Variants in RELCH observed in about 807,000 individuals in gnomAD.
RELCH encodes the protein RAB11-binding protein RELCH.
In RELCH, 41 loss-of-function variants were observed where a neutral mutation model predicts 150.3. The ratio of observed to expected loss-of-function variants is 0.27; its 90% CI spans 0.21 to 0.35. The LOEUF is 0.35. Among genes scored for constraint, RELCH ranks in the 10% least tolerant of loss-of-function variants. The pLI is 1.00. For missense variants in RELCH, 1,092 were observed against 1,467.8 expected (o/e 0.74, Z 4.18); for synonymous variants, 478 against 531.8 (o/e 0.90, Z 1.39).
intron 11 of RELCH, among the ~76,000 whole-genome samples, chr18:62,247,626 C>T (rs898259749): frequency 6.6e-6 from 1 of 151,806 alleles, no homozygotes; most frequent in Admixed American, 6.6e-5. Flanking sequence ...TCACTGCAAC[C>T]TCCACCTTCC....
At chr18:62,193,446 T>C (rs2038796470) in intron 1 of RELCH, among the ~76,000 whole-genome samples, 1 of 152,200 alleles carries the variant, frequency 6.6e-6, no homozygotes, top group Admixed American at 6.5e-5. Flanking sequence ...TGTGCCAGTT[T>C]TCAAGGGGAT....
intron 11 of RELCH, among the ~76,000 whole-genome samples, chr18:62,249,746 G>A (rs969844474): frequency 6.6e-6 from 1 of 150,508 alleles, no homozygotes; most frequent in Admixed American, 6.6e-5. Context: ...TCAAGTCCAC[G>A]CTTTTTTTTT....
In RELCH at chr18:62,258,654, A is replaced by G. The variant is rs1188484951; in HGVS notation, c.2180A>G (p.Asn727Ser). The change falls in exon 15 of 29, where the codon AAC (asparagine) becomes AGC (serine). Residue 727 changes from asparagine to serine, a missense_variant. Coordinates refer to ENST00000644646, the MANE Select transcript of RELCH (RefSeq NM_001346231.2). The stretch of plus-strand genomic sequence containing the variant: ...TCTCATCTTATACTTACACTACTGA[A>G]CAAGATTGAAAAACTTCTCAGGGTA... The part of the protein sequence containing the change: ...LQSHLILTLL[N>S]KIEKLLREGE... 1 of 1,587,430 alleles carries G rather than the reference A, an allele frequency of 6.3e-7. No individual in the cohort carries two copies. The highest frequency in any genetic ancestry group is 8.5e-7 in the Non-Finnish European group (1 of 1,172,400).
At chr18:62,271,026 A>G (rs1016808104) in intron 20 of RELCH, among the ~76,000 whole-genome samples, 1 of 152,152 alleles carries the variant, frequency 6.6e-6, no homozygotes, top group Non-Finnish European at 1.5e-5. Flanking sequence ...AGTCTTTGCT[A>G]TTGTGAATAG....
At chr18:62,214,889 AC>A (rs774949015) in intron 2 of RELCH, among the ~76,000 whole-genome samples, 2 of 151,736 alleles carry the variant, frequency 1.3e-5, no homozygotes, top group Admixed American at 6.6e-5. Context: ...AAACTACTCT[AC>A]CCCCCTAGAA....
Position 62,187,911 on chromosome 18 carries a change from A to C in RELCH, c.406A>C (p.Asn136His), listed in dbSNP as rs980598271. The C allele has an allele frequency of 4.4e-6, 7 of 1,596,372 alleles. No individual in the cohort carries two copies. In the African/African-American group the frequency reaches 9.4e-5, roughly 21 times the overall value. The change falls in exon 1 of 29, where the codon AAC becomes CAC. Residue 136 changes from asparagine (N) to histidine (H), a missense_variant. By Grantham distance (68) the Asn-to-His change is moderately conservative (BLOSUM62 1). Around this residue, in one of 4 missense-constraint regions of RELCH, gnomAD observed 190 missense variants for 276.2 expected, o/e 0.69. Transcript: ENST00000644646. ...RLRDYFSNPG[N>H]FERQSGTPPG... The stretch of plus-strand genomic sequence containing the variant: ...GCGCGACTACTTCTCCAATCCAGGC[A>C]ACTTCGAGAGGCAAAGTGGAACCCC...
chr18:62,198,519 A>G (rs2039199702), intron 1 of RELCH, among the ~76,000 whole-genome samples: 1 of 152,190 alleles, frequency 6.6e-6, no homozygotes. Context: ...TTGTGGGTGG[A>G]TAAGATTGCT....
At chr18:62,244,658 TG>T (rs1473173049) in intron 10 of RELCH, 105 bp from the exon 11 acceptor site, 1 of 688,296 alleles carries the variant, frequency 1.5e-6, no homozygotes, top group Non-Finnish European at 2.5e-6. Flanking sequence ...TTTTGTTTAC[TG>T]AGGTTTATTT....
At chr18:62,247,570 G>T (rs2042482976) in intron 11 of RELCH, among the ~76,000 whole-genome samples, 1 of 150,646 alleles carries the variant, frequency 6.6e-6, no homozygotes, top group African/African-American at 2.4e-5. Flanking sequence ...CTGAGACAGG[G>T]TCTCACTCTG....
intron 21 of RELCH, 77 bp downstream of exon 21, chr18:62,274,163 G>T: frequency 1.1e-6 from 1 of 872,084 alleles, no homozygotes; most frequent in Admixed American, 2.3e-5. Flanking sequence ...CATATTTTAA[G>T]TCTAAAAGAG....
chr18:62,221,959 G>T (rs2040902807), intron 5 of RELCH, among the ~76,000 whole-genome samples: 1 of 151,440 alleles, frequency 6.6e-6, no homozygotes, highest in African/African-American at 2.4e-5. Context: ...CTCTGAATAG[G>T]GGCCAATTTT....
chr18:62,199,532 G>A (rs559145710), intron 1 of RELCH, among the ~76,000 whole-genome samples: 30 of 152,230 alleles, frequency 2.0e-4, no homozygotes, highest in African/African-American at 2.6e-4. Flanking sequence ...TTGAAGTTAC[G>A]TTAAAGAATT....
At position 62,242,846 on chromosome 18, in the gene RELCH, G is replaced by C. The variant is rs544125624; in HGVS notation, c.1621-1918G>C. ...ATTATACTCTACATTTTAAGTGTGT[G>C]TGTGTGTGTTTGCAATTATAGCAGC... On this transcript the variant is annotated intron_variant, in intron 10 of 28. Coordinates refer to ENST00000644646, the MANE Select transcript of RELCH (RefSeq NM_001346231.2). Among the ~76,000 whole-genome samples, 10 of 152,186 alleles carry C rather than the reference G, an allele frequency of 6.6e-5. No homozygotes were observed. The South Asian group carries it at 2.1e-3, about 32-fold the overall frequency.
intron 11 of RELCH, among the ~76,000 whole-genome samples, chr18:62,247,841 C>T (rs985040559): frequency 3.3e-5 from 5 of 152,102 alleles, no homozygotes; most frequent in South Asian, 2.1e-4. Flanking sequence ...GCCACTGTGC[C>T]GAGCTGATAA....
chr18:62,279,214 T>C (rs934606483), intron 22 of RELCH, among the ~76,000 whole-genome samples: 2 of 152,160 alleles, frequency 1.3e-5, no homozygotes, highest in Admixed American at 6.6e-5. Flanking sequence ...TACTTTCCAA[T>C]AGGCAGCCTT....
At chr18:62,197,888 G>A (rs9948708) in intron 1 of RELCH, among the ~76,000 whole-genome samples, 62,850 of 152,002 alleles carry the variant, frequency 0.41, 13,160 homozygotes, top group Middle Eastern at 0.58. Flanking sequence ...GACTATACCA[G>A]CTATAATTTT....
chr18:62,272,446 T>C (rs777093251), intron 20 of RELCH, among the ~76,000 whole-genome samples: 5 of 152,142 alleles, frequency 3.3e-5, no homozygotes, highest in Non-Finnish European at 7.4e-5. Flanking sequence ...ATCTGTTGAA[T>C]AAATGAATAA....
intron 18 of RELCH, among the ~76,000 whole-genome samples, chr18:62,266,164 CTT>C (rs1376947135): frequency 1.3e-5 from 2 of 151,620 alleles, no homozygotes; most frequent in African/African-American, 4.8e-5. Flanking sequence ...TCTGTTCTAA[CTT>C]AACATATTAA....
At chr18:62,232,137 T>A (rs1290734672) in intron 9 of RELCH, among the ~76,000 whole-genome samples, 195 bp from the exon 10 acceptor site, 4 of 151,950 alleles carry the variant, frequency 2.6e-5, no homozygotes, top group African/African-American at 9.7e-5. Context: ...GAAATATGGA[T>A]GTTGATTGGA....
Sources: allele counts gnomAD v4.1 joint callset (sites outside exome capture counted in the v4.1 genomes callset), GRCh38; gene constraint gnomAD v4.1.1; regional missense constraint gnomAD v4.1.1; transcripts MANE v1.5; gene names NCBI Gene and HGNC (gene_info 2026-07-23, HGNC 2026-07-21).